Variants in SNRK observed in about 807,000 individuals in gnomAD.
The protein encoded by SNRK is SNF related kinase, also known as SNF-related serine/threonine-protein kinase.
SNRK carries 3 observed loss-of-function variants against 48.2 expected under a neutral mutation model. The ratio of observed to expected loss-of-function variants is 0.06; its 90% confidence interval spans 0.03 to 0.16. The LOEUF is 0.16. Among genes scored for constraint, SNRK ranks in the 10% least tolerant of loss-of-function variants. The pLI is 1.00. For missense variants in SNRK, 627 were observed against 976.0 expected, an observed-to-expected ratio of 0.64 and a Z score of 4.76; for synonymous variants, 376 against 366.1, an observed-to-expected ratio of 1.03 and a Z score of -0.31.
chr3:43,307,235 TG>T (rs1191098771), intron 3 of SNRK, among the ~76,000 whole-genome samples: 6 of 152,234 alleles, frequency 3.9e-5, no homozygotes, highest in Non-Finnish European at 8.8e-5. Flanking sequence ...ATATTTTACA[TG>T]ATGAGTTATA....
intron 5 of SNRK, 166 bp from the exon 6 acceptor site, chr3:43,343,178 C>A: frequency 2.6e-6 from 2 of 778,136 alleles, no homozygotes; most frequent in Non-Finnish European, 3.9e-6. Flanking sequence ...CTTTGAGTGA[C>A]CTAAATAACT....
At chr3:43,326,981 A>G (rs2091101381) in intron 3 of SNRK, among the ~76,000 whole-genome samples, 2 of 152,334 alleles carry the variant, frequency 1.3e-5, no homozygotes, top group African/African-American at 4.8e-5. Context: ...CAGAAAATAG[A>G]TCTAAAAAAC....
intron 3 of SNRK, among the ~76,000 whole-genome samples, chr3:43,305,626 G>GC (rs1470393493): frequency 6.6e-6 from 1 of 151,646 alleles, no homozygotes. Flanking sequence ...GGGACTACCG[G>GC]CCCCCTGCCA....
chr3:43,310,842 C>T (rs772049059), intron 3 of SNRK, among the ~76,000 whole-genome samples: 3 of 152,030 alleles, frequency 2.0e-5, no homozygotes, highest in East Asian at 3.9e-4. Flanking sequence ...TTAACAGTTC[C>T]GAAAGTGCTT....
chr3:43,294,481 G>A (rs1343649393), intron 1 of SNRK, among the ~76,000 whole-genome samples: 3 of 152,098 alleles, frequency 2.0e-5, no homozygotes, highest in Non-Finnish European at 4.4e-5. Flanking sequence ...AACTGTGATT[G>A]GTCACATGAG....
chr3:43,293,969 A>AT (rs895614167), intron 1 of SNRK, among the ~76,000 whole-genome samples: 1 of 151,976 alleles, frequency 6.6e-6, no homozygotes, highest in African/African-American at 2.4e-5. Flanking sequence ...GGTATATACA[A>AT]TTTTTTTTAA....
chr3:43,347,461 G>C lies in SNRK; in HGVS notation c.1202G>C (p.Gly401Ala). 6.2e-7 allele frequency: 1 copy of C among 1,614,012 alleles called. No homozygotes were observed. The highest frequency in any genetic ancestry group is 8.5e-7 in the Non-Finnish European group (1 of 1,179,994). ...CGGGCTGCTGACAGTGTCCTCAATG[G>C]CCACAGGAGCAAAGGCCTGTGTGAC... ...PARAADSVLN[G>A]HRSKGLCDSA... Residue 401 changes from glycine (G) to alanine (A), a missense_variant, in exon 7 of 7, where the codon GGC becomes GCC. This residue lies in a region of SNRK where 175 missense variants were observed against 209.7 expected (regional missense o/e 0.83). Coordinates refer to ENST00000296088, the MANE Select transcript of SNRK (RefSeq NM_017719.5). The surrounding 1 kb of genome is among the most constrained non-coding windows in gnomAD (Gnocchi z 5.4).
At chr3:43,290,815 G>C (rs2090806015) in intron 1 of SNRK, among the ~76,000 whole-genome samples, 1 of 152,090 alleles carries the variant, frequency 6.6e-6, no homozygotes, top group African/African-American at 2.4e-5. Context: ...TGTATATTTT[G>C]AGTAGATGCT....
chr3:43,303,722 A>G lies in SNRK; in HGVS notation c.519A>G (p.Thr173=), dbSNP rs1358597984. The G allele has an allele frequency of 1.2e-6, 2 of 1,613,992 alleles. No individual in the cohort carries two copies. The highest frequency in any genetic ancestry group is 1.6e-4 in the Middle Eastern group (1 of 6,062). Residue 173 remains threonine (T), a synonymous_variant, in exon 3 of 7, where the codon ACA becomes ACG. Transcript: ENST00000296088. This position sits in a 1 kb window ranked among gnomAD's most constrained non-coding sequence, Gnocchi z 6.2. ...NKFQPGKKLT[T]SCGSLAYSAP... ...TTCAACCAGGGAAGAAGCTCACTAC[A>G]AGCTGTGGATCTCTTGCATATTCCG...
rs909657099 is a variant in SNRK, at chr3:43,348,304, A to G, written c.2045A>G (p.Lys682Arg). ...LSFSSVKVQE[K>R]STWKMCISST... The stretch of plus-strand genomic sequence containing the variant: ...TTTTCCAGTGTGAAAGTCCAAGAGA[A>G]ATCTACGTGGAAAATGTGCATTAGC... The change falls in exon 7 of 7, where the codon AAA becomes AGA. Residue 682 changes from lysine to arginine, a missense_variant. Lys to Arg is a conservative substitution (Grantham distance 26). Transcript: ENST00000296088. 6.2e-7 allele frequency: 1 copy of G among 1,613,802 alleles called. No individual in the cohort carries two copies. The highest frequency in any genetic ancestry group is 8.5e-7 in the Non-Finnish European group (1 of 1,179,904).
At position 43,347,888 on chromosome 3, in the gene SNRK, C is replaced by T; in HGVS notation, c.1629C>T (p.Thr543=). The T allele has an allele frequency of 6.2e-7, 1 of 1,614,118 alleles. No homozygotes were observed. Among genetic ancestry groups the T allele is most frequent in the Non-Finnish European group, 8.5e-7 (1 of 1,180,036 alleles). Residue 543 remains threonine, a synonymous_variant, in exon 7 of 7, where the codon ACC becomes ACT. Coordinates refer to ENST00000296088, the MANE Select transcript of SNRK (RefSeq NM_017719.5). This position sits in a 1 kb window ranked among gnomAD's most constrained non-coding sequence, Gnocchi z 5.4. ...GRGSSCSSSE[T]SDDDSESRRR... ...GCTCCAGCTGCAGTAGTTCGGAGAC[C>T]AGTGATGATGATTCTGAAAGCCGGC...
In SNRK at chr3:43,347,116, T is replaced by C. The variant is rs1394538076; in HGVS notation, c.1080-223T>C. On this transcript the variant is annotated intron_variant, in intron 6 of 6. Coordinates refer to ENST00000296088, the MANE Select transcript of SNRK (RefSeq NM_017719.5). The surrounding 1 kb of genome is among the most constrained non-coding windows in gnomAD (Gnocchi z 5.4). ...TCTTTTCTGACACCTGTGATGAAGTTTTCACTTGGCCAATAAGCCACAAAC... is the reference window on the plus strand; with the variant it reads ...TCTTTTCTGACACCTGTGATGAAGTCTTCACTTGGCCAATAAGCCACAAAC... The C allele has an allele frequency of 1.5e-5, 7 of 451,850 alleles. No individual in the cohort carries two copies. Among genetic ancestry groups the C allele is most frequent in the Non-Finnish European group, 2.3e-5 (6 of 257,118 alleles). 28.0% of individuals were successfully genotyped at this position (451,850 alleles called of 1,614,324 possible). A position where few individuals can be genotyped will look rare whatever the true frequency, so the allele number is the denominator to read the frequency against.
rs187321045 is a variant in SNRK, at chr3:43,320,416, A to G, written c.590-11753A>G. 3.3e-5 allele frequency among the ~76,000 whole-genome samples: 5 copies of G among 152,338 alleles called. No homozygotes were observed. In the East Asian group the frequency reaches 7.7e-4, roughly 24 times the overall value. ...CCCTTGTTAGGGTTTAAGAGAAACA[A>G]CATGGATTGGGAGCTCCAGTAGGTG... On this transcript the variant is annotated intron_variant, in intron 3 of 6. Coordinates refer to ENST00000296088, the MANE Select transcript of SNRK (RefSeq NM_017719.5).
rs1354190471 is a variant in SNRK, at chr3:43,286,571, A to G, written c.-273A>G. 1 of 150,492 alleles carries G rather than the reference A, an allele frequency of 6.6e-6. No homozygotes were observed. Among genetic ancestry groups the G allele is most frequent in the Admixed American group, 6.6e-5 (1 of 15,130 alleles). 9.3% of individuals were successfully genotyped at this position (150,492 alleles called of 1,614,324 possible). A position where few individuals can be genotyped will look rare whatever the true frequency, so the allele number is the denominator to read the frequency against. ...CCGGCACCCCCTCCCCGCGGCCGGC[A>G]GCCCGCTCGGTATTATGATTAGCGC... is the stretch of plus-strand genomic sequence containing the variant. On this transcript the variant is annotated 5_prime_UTR_variant, in exon 1 of 7. Coordinates refer to ENST00000296088, the MANE Select transcript of SNRK (RefSeq NM_017719.5).
intron 4 of SNRK, among the ~76,000 whole-genome samples, chr3:43,335,368 T>C (rs2091178361): frequency 1.3e-5 from 2 of 152,218 alleles, no homozygotes; most frequent in South Asian, 4.1e-4. Context: ...CATTTCCAAA[T>C]GTATGGCGTT....
chr3:43,348,450 C>G lies in SNRK; in HGVS notation c.2191C>G (p.Leu731Val). ...IKSKNLKNNV[L>V]QLPLCEKTIS... The stretch of plus-strand genomic sequence containing the variant: ...GAGCAAGAACCTGAAAAATAACGTG[C>G]TGCAGCTACCTCTGTGCGAAAAGAC... Residue 731 changes from leucine (L) to valine (V), a missense_variant, in exon 7 of 7, where the codon CTG becomes GTG. By Grantham distance (32) the Leu-to-Val change is conservative (BLOSUM62 1). Coordinates refer to ENST00000296088, the MANE Select transcript of SNRK (RefSeq NM_017719.5). 1 of 1,611,530 alleles carries G rather than the reference C, an allele frequency of 6.2e-7. No individual in the cohort carries two copies. The highest frequency in any genetic ancestry group is 8.5e-7 in the Non-Finnish European group (1 of 1,178,796).
intron 3 of SNRK, among the ~76,000 whole-genome samples, chr3:43,331,174 T>C (rs928399342): frequency 6.6e-6 from 1 of 152,222 alleles, no homozygotes; most frequent in Non-Finnish European, 1.5e-5. Flanking sequence ...AGAATACTTC[T>C]TGAATTCGTT....
chr3:43,341,920 T>C (rs1167174175), intron 5 of SNRK, among the ~76,000 whole-genome samples: 3 of 152,232 alleles, frequency 2.0e-5, no homozygotes, highest in Non-Finnish European at 4.4e-5. Context: ...TCTATAAGTT[T>C]CCAAATGTAT....
intron 3 of SNRK, among the ~76,000 whole-genome samples, chr3:43,321,196 TAGAG>T (rs896142683): frequency 2.2e-4 from 33 of 152,288 alleles, no homozygotes; most frequent in African/African-American, 7.7e-4. Flanking sequence ...GAGGCAAGAA[TAGAG>T]AGAGAACTTG....
Sources: gnomAD v4.1 joint callset for allele counts (sites outside exome capture counted in the v4.1 genomes callset) on GRCh38, gnomAD v4.1.1 for gene constraint, gnomAD v4.1.1 regional missense constraint, Gnocchi (gnomAD v3.1) non-coding constraint, MANE v1.5 for transcripts, NCBI Gene and HGNC (gene_info 2026-07-23, HGNC 2026-07-21) for gene names.